RAD52: variants seen among roughly 807,000 people sequenced by gnomAD.
RAD52 encodes DNA repair protein RAD52 homolog.
RAD52 carries 47 observed loss-of-function variants against 55.5 expected under a neutral mutation model. That is an observed-to-expected ratio of 0.85 (90% confidence interval 0.67 to 1.08). RAD52 has a LOEUF of 1.08. RAD52 is among the 50% of genes least tolerant of loss of function. The probability of loss-of-function intolerance (pLI) is 0.00; values close to 1 mark genes in which losing one functional copy is unlikely to be tolerated. For synonymous variants in RAD52, 184 were observed against 198.9 expected (o/e 0.92, Z 0.63); for missense variants, 468 against 522.8 (o/e 0.90, Z 1.02).
At chr12:978,872 A>G (rs1487761353) in intron 1 of RAD52, among the ~76,000 whole-genome samples, 1 of 149,108 alleles carries the variant, frequency 6.7e-6, no homozygotes, top group Non-Finnish European at 1.5e-5. Context: ...CGTCTCTTAA[A>G]AAAAAAGTAG....
rs752684716 is a variant in RAD52, at chr12:927,139, GCTCAC to G, written c.467+1_467+5del. 4 of 1,610,964 alleles carry G rather than the reference GCTCAC, an allele frequency of 2.5e-6. No individual in the cohort carries two copies. The highest frequency in any genetic ancestry group is 1.3e-5 in the African/African-American group (1 of 74,818). ...ACGCAGGTTAGACTCCCAGCCCCGC[GCTCAC>G]CTGAGGGCTCGCTTCAGCCCGTCTG... On this transcript the variant is annotated splice_donor_variant and splice_donor_5th_base_variant and intron_variant, in intron 6 of 11. Coordinates refer to ENST00000358495, the MANE Select transcript of RAD52 (RefSeq NM_134424.4). LOFTEE classifies it high-confidence loss of function.
At chr12:930,817 A>C (rs1957287313) in intron 3 of RAD52, among the ~76,000 whole-genome samples, 1 of 152,016 alleles carries the variant, frequency 6.6e-6, no homozygotes, top group African/African-American at 2.4e-5. Flanking sequence ...ACATTAAAAA[A>C]TTAACCAGGT....
intron 1 of RAD52, among the ~76,000 whole-genome samples, chr12:947,345 A>G (rs1463177701): frequency 6.6e-6 from 1 of 150,904 alleles, no homozygotes; most frequent in Non-Finnish European, 1.5e-5. Context: ...AACAACAGAC[A>G]AACAAAAAAA....
chr12:991,029 C>T (rs1376769104), upstream of RAD52: 2 of 152,008 alleles, frequency 1.3e-5, no homozygotes, highest in South Asian at 2.1e-4. Context: ...GCGCCGATTT[C>T]CCCCGCTTCC....
chr12:978,580 T>C (rs916675096), intron 1 of RAD52, among the ~76,000 whole-genome samples: 2 of 152,088 alleles, frequency 1.3e-5, no homozygotes, highest in African/African-American at 4.8e-5. Context: ...GTGGACAGAT[T>C]GCCTGAGCTC....
chr12:917,737 C>A (rs1475884120), intron 7 of RAD52, among the ~76,000 whole-genome samples: 1 of 142,046 alleles, frequency 7.0e-6, no homozygotes, highest in Non-Finnish European at 1.5e-5. Context: ...ATCGAAGGAA[C>A]TCCTGAGTAA....
At chr12:945,449 T>G (rs1312096065) in intron 1 of RAD52, among the ~76,000 whole-genome samples, 1 of 151,812 alleles carries the variant, frequency 6.6e-6, no homozygotes, top group African/African-American at 2.4e-5. Context: ...TGTCTTTTTT[T>G]TTTTGAGGGG....
At chr12:929,776 C>G (rs772341710) in intron 5 of RAD52, 43 bp downstream of exon 5, 2 of 1,570,666 alleles carry the variant, frequency 1.3e-6, no homozygotes, top group Admixed American at 1.7e-5. Context: ...TCTCCTACCA[C>G]CCACTGATCC....
Position 914,506 on chromosome 12 carries a change from G to A in RAD52, c.892C>T (p.His298Tyr), listed in dbSNP as rs754762540. The change falls in exon 10 of 12, where the codon CAC becomes TAC. Residue 298 changes from histidine (H) to tyrosine (Y), a missense_variant. Coordinates refer to ENST00000358495, the MANE Select transcript of RAD52 (RefSeq NM_134424.4). ...EAAPPAPPVT[H>Y]STPVTVSEPL... ...TCTGAGACAGTTACAGGAGTGCTGT[G>A]CGTCACAGGAGGGGCCGGAGGCGCT... is the stretch of plus-strand genomic sequence containing the variant. 6.2e-7 allele frequency: 1 copy of A among 1,613,720 alleles called. No individual in the cohort carries two copies. Among genetic ancestry groups the A allele is most frequent in the South Asian group, 1.1e-5 (1 of 91,040 alleles).
intron 1 of RAD52, among the ~76,000 whole-genome samples, chr12:970,708 G>A (rs1460051705): frequency 2.0e-5 from 3 of 152,162 alleles, no homozygotes; most frequent in African/African-American, 4.8e-5. Context: ...ACAAATGGTT[G>A]TTCAGAATGG....
At chr12:916,960 T>C (rs1171544249) in intron 7 of RAD52, 140 bp from the exon 8 acceptor site, 54 of 1,157,990 alleles carry the variant, frequency 4.7e-5, no homozygotes, top group Non-Finnish European at 6.3e-5. Flanking sequence ...TGTAACTCCA[T>C]GAGCAGGAGG....
At chr12:990,952 A>AGG (rs1565724158), upstream of RAD52, 1 of 150,032 alleles carries the variant, frequency 6.7e-6, no homozygotes, top group Non-Finnish European at 1.5e-5. Context: ...TGTGTGTGTG[A>AGG]GTGTGTGTGT....
At chr12:939,051 A>AT (rs1555176170) in intron 1 of RAD52, among the ~76,000 whole-genome samples, 4 of 49,126 alleles carry the variant, frequency 8.1e-5, no homozygotes, top group African/African-American at 9.6e-5. Flanking sequence ...CATTCAACTA[A>AT]TTGTGTGTGT....
intron 1 of RAD52, among the ~76,000 whole-genome samples, chr12:982,416 A>C (rs541934615): frequency 3.3e-5 from 5 of 152,358 alleles, no homozygotes; most frequent in African/African-American, 4.8e-5. Context: ...CAACCAAAAG[A>C]AGCTAGGCCA....
chr12:947,269 T>A (rs1958282422), intron 1 of RAD52, among the ~76,000 whole-genome samples: 1 of 152,022 alleles, frequency 6.6e-6, no homozygotes. Flanking sequence ...GAAGTGGCAG[T>A]GAGTCAAGAT....
At chr12:962,944 GT>G (rs1958708120) in intron 1 of RAD52, among the ~76,000 whole-genome samples, 2 of 151,896 alleles carry the variant, frequency 1.3e-5, no homozygotes, top group Admixed American at 1.3e-4. Flanking sequence ...TAGAGATGAC[GT>G]TTTGCCATGT....
chr12:916,271 G>C, intron 9 of RAD52, 73 bp downstream of exon 9: 2 of 1,574,858 alleles, frequency 1.3e-6, no homozygotes, highest in Non-Finnish European at 8.5e-7. Flanking sequence ...TTACCGCAGA[G>C]AATCAGAAGA....
At chr12:918,463 C>T (rs986016852) in intron 7 of RAD52, among the ~76,000 whole-genome samples, 2 of 152,150 alleles carry the variant, frequency 1.3e-5, no homozygotes. Context: ...GTGGCGTAAT[C>T]ACAGCTCACT....
intron 7 of RAD52, among the ~76,000 whole-genome samples, chr12:919,042 C>T (rs1318008671): frequency 2.0e-5 from 3 of 151,988 alleles, no homozygotes; most frequent in Non-Finnish European, 4.4e-5. Flanking sequence ...GAATAGAAGA[C>T]AGGATAGTAG....
Sources: allele counts gnomAD v4.1 joint callset (sites outside exome capture counted in the v4.1 genomes callset), GRCh38; gene constraint gnomAD v4.1.1; transcripts MANE v1.5; gene names NCBI Gene and HGNC (gene_info 2026-07-23, HGNC 2026-07-21).